The following TEC variants were observed in gnomAD, a reference collection of about 807,000 sequenced individuals.
TEC encodes the protein tyrosine-protein kinase Tec.
A neutral mutation model predicts 93.0 loss-of-function variants in TEC; 72 were observed. The observed-to-expected ratio is 0.77, with a 90% CI of 0.64 to 0.94. The LOEUF (loss-of-function observed/expected upper bound fraction) is 0.94, where lower values mean the gene tolerates loss of function less well. Ranked by LOEUF, TEC falls within the 40% of genes least tolerant of loss-of-function variation. TEC has a pLI of 0.00. For synonymous variants in TEC, 249 were observed against 247.7 expected, an observed-to-expected ratio of 1.01 and a Z score of -0.05; for missense variants, 630 against 757.9, an observed-to-expected ratio of 0.83 and a Z score of 1.98.
At chr4:48,180,931 C>A (rs1721558891) in intron 2 of TEC, among the ~76,000 whole-genome samples, 1 of 152,076 alleles carries the variant, frequency 6.6e-6, no homozygotes, top group Admixed American at 6.5e-5. Flanking sequence ...AGTTCTAAAC[C>A]AAGTCAGTGG....
intron 8 of TEC, among the ~76,000 whole-genome samples, chr4:48,159,335 G>A (rs987173338): frequency 5.9e-5 from 9 of 152,178 alleles, no homozygotes; most frequent in Non-Finnish European, 1.2e-4. Flanking sequence ...GGGAGCTGGC[G>A]TGCAGACATT....
intron 2 of TEC, among the ~76,000 whole-genome samples, chr4:48,185,652 AAT>A (rs903134204): frequency 1.3e-5 from 2 of 152,178 alleles, no homozygotes; most frequent in Non-Finnish European, 2.9e-5. Context: ...AGAAACCAGT[AAT>A]ATATATATAA....
intron 2 of TEC, among the ~76,000 whole-genome samples, chr4:48,180,732 C>T (rs1560394159): frequency 6.6e-6 from 1 of 152,066 alleles, no homozygotes; most frequent in Non-Finnish European, 1.5e-5. Flanking sequence ...CTGTCTGAGG[C>T]CACATTAGGA....
intron 3 of TEC, among the ~76,000 whole-genome samples, chr4:48,173,414 C>T (rs1032213250): frequency 3.5e-5 from 5 of 141,678 alleles, no homozygotes; most frequent in Non-Finnish European, 6.2e-5. Flanking sequence ...CTAGGAATAG[C>T]ACCCTGTTTT....
chr4:48,153,793 C>T (rs968206628), intron 9 of TEC, among the ~76,000 whole-genome samples: 1 of 152,178 alleles, frequency 6.6e-6, no homozygotes, highest in Non-Finnish European at 1.5e-5. Context: ...AGTGACATTA[C>T]TACCCACCCA....
At chr4:48,212,110 A>AAAAAAATATATATATATAT in intron 2 of TEC, among the ~76,000 whole-genome samples, 1 of 122,266 alleles carries the variant, frequency 8.2e-6, no homozygotes, top group African/African-American at 3.0e-5. Context: ...AAAAAAAAAA[A>AAAAAAATATATATATATAT]ATATATATAT....
chr4:48,177,796 C>T (rs1320805164), intron 2 of TEC, among the ~76,000 whole-genome samples: 1 of 152,144 alleles, frequency 6.6e-6, no homozygotes, highest in Non-Finnish European at 1.5e-5. Context: ...ACATGCTGTT[C>T]TTGTGACAGT....
At chr4:48,160,737 A>AAAAGAAAGAAAGAAAGAAAGAAAGAAAG (rs200782202) in intron 8 of TEC, among the ~76,000 whole-genome samples, 4 of 131,350 alleles carry the variant, frequency 3.0e-5, no homozygotes, top group Non-Finnish European at 3.2e-5. Context: ...CAGAAAAAAA[A>AAAAGAAAGAAAGAAAGAAAGAAAGAAAG]AAAGAAAGAA....
chr4:48,211,290 A>G (rs1163948637), intron 2 of TEC, among the ~76,000 whole-genome samples: 2 of 152,230 alleles, frequency 1.3e-5, no homozygotes, highest in Non-Finnish European at 1.5e-5. Context: ...TAGAACTTCA[A>G]GAAATATATT....
intron 2 of TEC, among the ~76,000 whole-genome samples, chr4:48,181,027 G>A (rs552115693): frequency 6.6e-6 from 1 of 152,274 alleles, no homozygotes; most frequent in East Asian, 1.9e-4. Flanking sequence ...TGGGGATTAA[G>A]AGTAGAGAAG....
At chr4:48,253,514 A>G (rs937635962) in intron 1 of TEC, among the ~76,000 whole-genome samples, 2 of 150,476 alleles carry the variant, frequency 1.3e-5, no homozygotes, top group African/African-American at 4.9e-5. Flanking sequence ...GCATTCTTCC[A>G]CCTGCATACT....
chr4:48,144,042 C>T (rs563369893), intron 14 of TEC, among the ~76,000 whole-genome samples: 6 of 152,068 alleles, frequency 3.9e-5, no homozygotes, highest in African/African-American at 7.2e-5. Flanking sequence ...CTGAGCAACA[C>T]GGTGAAACCC....
At position 48,241,694 on chromosome 4, in the gene TEC, TG is replaced by T. The variant is rs375825602; in HGVS notation, c.-45-13036del. On this transcript the variant is annotated intron_variant, in intron 1 of 17. Coordinates refer to ENST00000381501, the MANE Select transcript of TEC (RefSeq NM_003215.3). The stretch of plus-strand genomic sequence containing the variant: ...TGGTTGTATCCCTTTAAGTCTTGGA[TG>T]GTTTCTAACACAGCAGAAGTTTACC... Among the ~76,000 whole-genome samples the T allele has an allele frequency of 4.5e-3, 679 of 152,348 alleles. 2 individuals carry two copies. The highest frequency in any genetic ancestry group is 0.016 in the African/African-American group (648 of 41,574).
chr4:48,160,837 G>A (rs1210562759), intron 8 of TEC, among the ~76,000 whole-genome samples: 2 of 146,630 alleles, frequency 1.4e-5, no homozygotes. Context: ...GAGGGAGGGA[G>A]GGAGAGAGGG....
intron 14 of TEC, chr4:48,141,699 T>G (rs1719678982): frequency 4.0e-6 from 1 of 248,956 alleles, no homozygotes; most frequent in African/African-American, 2.6e-5. Flanking sequence ...TTTTTTTTTT[T>G]GAGACAGAGT....
chr4:48,268,057 T>TC (rs1219196583), intron 1 of TEC, among the ~76,000 whole-genome samples: 1 of 152,194 alleles, frequency 6.6e-6, no homozygotes, highest in African/African-American at 2.4e-5. Context: ...CTATCAAGGG[T>TC]CAACTTAAGG....
At chr4:48,241,100 A>T (rs1723912683) in intron 1 of TEC, among the ~76,000 whole-genome samples, 1 of 152,194 alleles carries the variant, frequency 6.6e-6, no homozygotes, top group Non-Finnish European at 1.5e-5. Context: ...GTCTAATGAC[A>T]TTGTCATATG....
intron 2 of TEC, among the ~76,000 whole-genome samples, chr4:48,193,898 G>A (rs547108461): frequency 2.0e-5 from 3 of 152,226 alleles, no homozygotes; most frequent in African/African-American, 7.2e-5. Context: ...TGGTGGGTGA[G>A]AGTTACAGAT....
intron 1 of TEC, among the ~76,000 whole-genome samples, chr4:48,262,410 T>C (rs1724519421): frequency 6.6e-6 from 1 of 151,948 alleles, no homozygotes; most frequent in Non-Finnish European, 1.5e-5. Context: ...TTGGCCAGGC[T>C]GGTCTTGAAC....
Sources: gnomAD v4.1 joint callset for allele counts (sites outside exome capture counted in the v4.1 genomes callset) on GRCh38, gnomAD v4.1.1 for gene constraint, MANE v1.5 for transcripts, NCBI Gene and HGNC (gene_info 2026-07-23, HGNC 2026-07-21) for gene names.